LOC128462377: variants seen among roughly 807,000 people sequenced by gnomAD.
chr16:89,340,106 T>A, the LOC128462377 span: 3 of 152,232 alleles, frequency 2.0e-5, no homozygotes, highest in Non-Finnish European at 2.9e-5. Flanking sequence ...AACACTAAAA[T>A]GAGTATTTGT....
the LOC128462377 span, among the ~76,000 whole-genome samples, chr16:89,363,075 C>T: frequency 5.3e-5 from 8 of 152,108 alleles, no homozygotes; most frequent in South Asian, 8.3e-4. Context: ...TAAAAAATGG[C>T]CTTGCTGAGG....
At chr16:89,404,723 T>C in the LOC128462377 span, among the ~76,000 whole-genome samples, 1 of 152,232 alleles carries the variant, frequency 6.6e-6, no homozygotes, top group African/African-American at 2.4e-5. Context: ...AGGTGAAGCC[T>C]GGAGAACAGG....
chr16:89,389,055 A>C, the LOC128462377 span, among the ~76,000 whole-genome samples: 1 of 152,320 alleles, frequency 6.6e-6, no homozygotes, highest in East Asian at 1.9e-4. Flanking sequence ...TTGAGCAAAA[A>C]ATAAATAGGA....
the LOC128462377 span, among the ~76,000 whole-genome samples, chr16:89,396,991 G>A: frequency 6.6e-6 from 1 of 151,998 alleles, no homozygotes; most frequent in Non-Finnish European, 1.5e-5. Context: ...GACTTGACCA[G>A]ATCACTAATT....
At chr16:89,395,170 G>C in the LOC128462377 span, among the ~76,000 whole-genome samples, 143 of 152,322 alleles carry the variant, frequency 9.4e-4, no homozygotes, top group African/African-American at 3.2e-3. Flanking sequence ...AGAGACTCCT[G>C]GTCTAAAAAG....
At chr16:89,367,809 G>A in the LOC128462377 span, among the ~76,000 whole-genome samples, 1 of 152,110 alleles carries the variant, frequency 6.6e-6, no homozygotes, top group Admixed American at 6.6e-5. Flanking sequence ...AAAGCAGGTG[G>A]GGAGCCTGGG....
chr16:89,350,465 A>G, the LOC128462377 span, among the ~76,000 whole-genome samples: 12 of 152,318 alleles, frequency 7.9e-5, no homozygotes, highest in African/African-American at 2.6e-4. Context: ...TCTACCCCCT[A>G]AAAAGCTACT....
chr16:89,349,594 T>C, the LOC128462377 span, among the ~76,000 whole-genome samples: 2 of 152,176 alleles, frequency 1.3e-5, no homozygotes, highest in African/African-American at 4.8e-5. Flanking sequence ...AATAATTGAA[T>C]ATCCTCATGC....
At chr16:89,334,464 C>T in the LOC128462377 span, among the ~76,000 whole-genome samples, 1 of 152,184 alleles carries the variant, frequency 6.6e-6, no homozygotes, top group African/African-American at 2.4e-5. Flanking sequence ...CACTGCTCTG[C>T]TTCCTCTCAC....
At chr16:89,398,501 G>C in the LOC128462377 span, among the ~76,000 whole-genome samples, 1 of 152,146 alleles carries the variant, frequency 6.6e-6, no homozygotes, top group African/African-American at 2.4e-5. Flanking sequence ...AGGACTGCTT[G>C]AGCCCAGGAG....
chr16:89,349,911 CAT>C, the LOC128462377 span, among the ~76,000 whole-genome samples: 19,448 of 85,650 alleles, frequency 0.23, 1,416 homozygotes, highest in Middle Eastern at 0.34. Context: ...CACACACACA[CAT>C]ATTCAAACAA....
chr16:89,336,666 C>T, the LOC128462377 span, among the ~76,000 whole-genome samples: 6 of 152,320 alleles, frequency 3.9e-5, no homozygotes, highest in African/African-American at 1.4e-4. Context: ...TGGGCCACGA[C>T]AGGGAGCACA....
the LOC128462377 span, among the ~76,000 whole-genome samples, chr16:89,407,481 C>T: frequency 2.0e-5 from 3 of 152,144 alleles, no homozygotes; most frequent in African/African-American, 4.8e-5. Flanking sequence ...GAACCACGTT[C>T]GCCTCGTCAG....
At chr16:89,406,109 CAAAA>C in the LOC128462377 span, among the ~76,000 whole-genome samples, 3 of 49,658 alleles carry the variant, frequency 6.0e-5, no homozygotes. Context: ...GATTCCATCT[CAAAA>C]AAAAAAAAAA....
the LOC128462377 span, among the ~76,000 whole-genome samples, chr16:89,371,619 T>G: frequency 6.6e-6 from 1 of 152,144 alleles, no homozygotes; most frequent in South Asian, 2.1e-4. Flanking sequence ...GTGCACTCCC[T>G]GCCCACATGA....
At chr16:89,389,939 G>T in the LOC128462377 span, among the ~76,000 whole-genome samples, 4 of 88,562 alleles carry the variant, frequency 4.5e-5, no homozygotes, top group African/African-American at 2.0e-4. Context: ...AGTGTGGCGG[G>T]GAGCACCGAG....
chr16:89,336,345 G>A, the LOC128462377 span, among the ~76,000 whole-genome samples: 12 of 152,254 alleles, frequency 7.9e-5, no homozygotes, highest in East Asian at 1.9e-4. Flanking sequence ...CAAGATTGTC[G>A]TCAGACCTAG....
the LOC128462377 span, among the ~76,000 whole-genome samples, chr16:89,345,514 C>G: frequency 6.6e-6 from 1 of 152,232 alleles, no homozygotes. Context: ...CCAGTGGCCC[C>G]AGGCTCTCCA....
chr16:89,359,943 A>G, the LOC128462377 span, among the ~76,000 whole-genome samples: 2 of 152,044 alleles, frequency 1.3e-5, no homozygotes, highest in African/African-American at 2.4e-5. Context: ...GGTGTACTAC[A>G]TAAGTAAACA....
Sources: allele counts gnomAD v4.1 joint callset (sites outside exome capture counted in the v4.1 genomes callset), GRCh38; gene constraint gnomAD v4.1.1; transcripts MANE v1.5.